The following DENND1A variants were observed in gnomAD, a reference collection of about 807,000 sequenced individuals.
DENND1A encodes the protein DENN domain-containing protein 1A.
In DENND1A, 51 loss-of-function variants were observed where a neutral mutation model predicts 113.7. The ratio of observed to expected loss-of-function variants is 0.45; its 90% CI spans 0.36 to 0.57. The LOEUF (loss-of-function observed/expected upper bound fraction) is 0.57. Ranked by LOEUF, DENND1A falls within the 20% of genes least tolerant of loss-of-function variation. The probability of loss-of-function intolerance (pLI) is 0.00; values close to 1 mark genes in which losing one functional copy is unlikely to be tolerated. For synonymous variants in DENND1A, 565 were observed against 570.8 expected (o/e 0.99, Z 0.14); for missense variants, 1,258 against 1,395.9 (o/e 0.90, Z 1.57).
chr9:123,445,032 C>T (rs543660407), intron 18 of DENND1A, among the ~76,000 whole-genome samples: 35 of 152,328 alleles, frequency 2.3e-4, no homozygotes, highest in African/African-American at 7.5e-4. Flanking sequence ...TAAAGCAAGG[C>T]AGTCAGAAAG....
intron 3 of DENND1A, among the ~76,000 whole-genome samples, chr9:123,779,494 G>C (rs1196328501): frequency 6.6e-6 from 1 of 151,916 alleles, no homozygotes; most frequent in Non-Finnish European, 1.5e-5. Flanking sequence ...ATTCTTTTTT[G>C]TTCTGTTTTG....
At chr9:123,504,006 T>C (rs1027709395) in intron 13 of DENND1A, among the ~76,000 whole-genome samples, 4 of 152,230 alleles carry the variant, frequency 2.6e-5, no homozygotes, top group Admixed American at 6.5e-5. Flanking sequence ...TTGAAAAACA[T>C]TGGCCATACT....
At chr9:123,452,457 T>A in intron 16 of DENND1A, 110 bp from the exon 17 acceptor site, 1 of 872,204 alleles carries the variant, frequency 1.1e-6, no homozygotes, top group Non-Finnish European at 1.9e-6. Context: ...GGTATGTAAA[T>A]GCACATCGAG....
intron 3 of DENND1A, among the ~76,000 whole-genome samples, chr9:123,775,600 T>C (rs1391588293): frequency 1.3e-5 from 2 of 152,230 alleles, no homozygotes; most frequent in Non-Finnish European, 2.9e-5. Context: ...TTAAATATTT[T>C]AAATGCACAC....
chr9:123,843,409 A>G (rs1842119289), intron 2 of DENND1A: 1 of 311,878 alleles, frequency 3.2e-6, no homozygotes. Flanking sequence ...ACTGTACCTT[A>G]TGTTTGTTAG....
chr9:123,538,809 CATATATATATATATATAT>C (rs35223887), intron 13 of DENND1A, among the ~76,000 whole-genome samples: 267 of 22,466 alleles, frequency 0.012, 4 homozygotes, highest in East Asian at 0.042. Context: ...ACAACTCATA[CATATATATATATATATAT>C]ATATATATAT....
intron 1 of DENND1A, among the ~76,000 whole-genome samples, chr9:123,900,781 T>C (rs1253370820): frequency 6.6e-6 from 1 of 152,184 alleles, no homozygotes; most frequent in African/African-American, 2.4e-5. Context: ...TTAAATAACA[T>C]AATGATGTAA....
chr9:123,405,970 C>T (rs1472616414), intron 20 of DENND1A, among the ~76,000 whole-genome samples: 20 of 126,852 alleles, frequency 1.6e-4, no homozygotes, highest in Non-Finnish European at 2.7e-4. Flanking sequence ...AGCAGGCACA[C>T]ACTCCACTTC....
chr9:123,913,199 A>G (rs1854395093), intron 1 of DENND1A, among the ~76,000 whole-genome samples: 2 of 151,744 alleles, frequency 1.3e-5, no homozygotes, highest in Admixed American at 6.6e-5. Context: ...CAAACTACTA[A>G]TCCCCTGTGA....
intron 2 of DENND1A, among the ~76,000 whole-genome samples, chr9:123,829,740 A>G (rs972483741): frequency 6.6e-6 from 1 of 152,182 alleles, no homozygotes; most frequent in Non-Finnish European, 1.5e-5. Context: ...GACATGTTTA[A>G]TGGAGAAAAC....
chr9:123,690,046 A>G (rs1188949710), intron 5 of DENND1A, among the ~76,000 whole-genome samples: 73 of 125,858 alleles, frequency 5.8e-4, no homozygotes, highest in Non-Finnish European at 4.4e-4. Flanking sequence ...AGGAGGGAAG[A>G]AGGAAAGGAG....
At chr9:123,734,510 T>C (rs1321395403) in intron 5 of DENND1A, among the ~76,000 whole-genome samples, 4 of 152,092 alleles carry the variant, frequency 2.6e-5, no homozygotes, top group African/African-American at 9.7e-5. Context: ...CAAATAACAA[T>C]ACACGTTTCC....
At chr9:123,437,553 G>A (rs957124416) in intron 19 of DENND1A, 5 of 152,240 alleles carry the variant, frequency 3.3e-5, no homozygotes, top group African/African-American at 1.2e-4. Context: ...GGATTTTTTT[G>A]AGGTTAAAAT....
intron 5 of DENND1A, among the ~76,000 whole-genome samples, chr9:123,744,160 A>G (rs2069265877): frequency 6.6e-6 from 1 of 152,224 alleles, no homozygotes; most frequent in Admixed American, 6.5e-5. Flanking sequence ...GAGAATTAAA[A>G]ACACCCATGA....
intron 1 of DENND1A, among the ~76,000 whole-genome samples, chr9:123,883,491 C>G (rs1486348717): frequency 6.6e-6 from 1 of 152,116 alleles, no homozygotes. Flanking sequence ...GTTCCCATCC[C>G]CAGAGTGTCT....
chr9:123,928,993 T>C (rs1015278275), intron 1 of DENND1A: 15 of 805,156 alleles, frequency 1.9e-5, no homozygotes, highest in Non-Finnish European at 2.0e-5. Context: ...AGATAAAACA[T>C]CTCCAGTTCT....
At chr9:123,382,692 A>T (rs1444152754) in intron 23 of DENND1A, 67 bp from the exon 24 acceptor site, 2 of 1,511,308 alleles carry the variant, frequency 1.3e-6, no homozygotes, top group Non-Finnish European at 9.1e-7. Context: ...GCCCATTCCC[A>T]CACCACTTCT....
intron 22 of DENND1A, among the ~76,000 whole-genome samples, chr9:123,385,199 T>TTGTC (rs974632744): frequency 1.3e-5 from 2 of 152,112 alleles, no homozygotes; most frequent in African/African-American, 2.4e-5. Flanking sequence ...AGTTTCACTC[T>TTGTC]TGTCTCCCAG....
intron 18 of DENND1A, among the ~76,000 whole-genome samples, chr9:123,447,876 G>A (rs1356303606): frequency 2.0e-5 from 3 of 152,088 alleles, no homozygotes; most frequent in Non-Finnish European, 4.4e-5. Flanking sequence ...AAGAAAGGGC[G>A]CTGGAGAGTG....
Sources: allele counts gnomAD v4.1 joint callset (sites outside exome capture counted in the v4.1 genomes callset), GRCh38; gene constraint gnomAD v4.1.1; transcripts MANE v1.5; gene names NCBI Gene and HGNC (gene_info 2026-07-23, HGNC 2026-07-21).